Variants in DOK1 observed in about 807,000 individuals in gnomAD.
DOK1 encodes the protein docking protein 1.
DOK1 carries 12 observed loss-of-function variants against 24.0 expected under a neutral mutation model. That is an observed-to-expected ratio of 0.50 (90% CI 0.32 to 0.81). The LOEUF is 0.81. Ranked by LOEUF, DOK1 falls within the 30% of genes least tolerant of loss-of-function variation. The pLI, the probability that DOK1 is intolerant of heterozygous loss-of-function variation, is 0.03. For synonymous variants in DOK1, 250 were observed against 260.9 expected (o/e 0.96, Z 0.40); for missense variants, 591 against 620.7 (o/e 0.95, Z 0.51).
upstream of DOK1, chr2:74,549,730 C>G: frequency 6.9e-7 from 1 of 1,442,738 alleles, no homozygotes; most frequent in East Asian, 2.5e-5. This position sits in a 1 kb window ranked among gnomAD's most constrained non-coding sequence, Gnocchi z 5.3. Flanking sequence ...GCCACGATGG[C>G]CGCAGTCCGC....
In DOK1 at chr2:74,554,935, T is replaced by A. The variant is rs1298250895; in HGVS notation, c.60+121T>A. Reference sequence around the variant, plus strand: ...GCCGGGAGTTGGAGAGCCTGTGACTTTCCCGTGAAGTTGCTTTGCACACTC... The same window carrying A: ...GCCGGGAGTTGGAGAGCCTGTGACTATCCCGTGAAGTTGCTTTGCACACTC... On this transcript the variant is annotated intron_variant, in intron 1 of 4. Coordinates refer to ENST00000233668, the MANE Select transcript of DOK1 (RefSeq NM_001381.5). The surrounding 1 kb of genome is among the most constrained non-coding windows in gnomAD (Gnocchi z 4.9). The A allele has an allele frequency of 1.3e-6, 2 of 1,517,226 alleles. No homozygotes were observed. Among genetic ancestry groups the A allele is most frequent in the East Asian group, 4.9e-5 (2 of 41,070 alleles). 94.0% of individuals were successfully genotyped at this position (1,517,226 alleles called of 1,614,324 possible). A position where few individuals can be genotyped will look rare whatever the true frequency, so the allele number is the denominator to read the frequency against.
At position 74,555,546 on chromosome 2, in the gene DOK1, T is replaced by C. The variant is rs775339296; in HGVS notation, c.361-29T>C. 6.2e-7 allele frequency: 1 copy of C among 1,613,362 alleles called. No individual in the cohort carries two copies. Reference sequence around the variant, plus strand: ...GACCCCCGCTCCCCGCTGAGGAAATTACGGGTTTCTCGATGCTCTCTACTA... The same window carrying C: ...GACCCCCGCTCCCCGCTGAGGAAATCACGGGTTTCTCGATGCTCTCTACTA... On this transcript the variant is annotated intron_variant, in intron 2 of 4. Transcript: ENST00000233668. This position sits in a 1 kb window ranked among gnomAD's most constrained non-coding sequence, Gnocchi z 6.1.
chr2:74,556,533 C>T lies in DOK1; in HGVS notation c.865C>T (p.Leu289Phe). ...LPSPPGPQEL[L>F]DSPPALYAEP... ...TTCCCCACCTGGCCCCCAAGAGCTCCTCGACAGTCCCCCAGCCCTGTATGC... is the reference window on the plus strand; with the variant it reads ...TTCCCCACCTGGCCCCCAAGAGCTCTTCGACAGTCCCCCAGCCCTGTATGC... The change falls in exon 5 of 5, where the codon CTC becomes TTC. Residue 289 changes from leucine to phenylalanine, a missense_variant. Transcript: ENST00000233668. The surrounding 1 kb of genome is among the most constrained non-coding windows in gnomAD (Gnocchi z 4.1). The T allele has an allele frequency of 6.2e-7, 1 of 1,614,186 alleles. No individual in the cohort carries two copies. The highest frequency in any genetic ancestry group is 8.5e-7 in the Non-Finnish European group (1 of 1,180,038).
Position 74,549,591 on chromosome 2 carries a change from C to T in DOK1, c.-358+419C>T, listed in dbSNP as rs1676861492. ...TTGCAGGTGATGCTCTACCTGGGGGCGGGGCCACAAGCAGGGAAAGAATCC... is the reference window on the plus strand; with the variant it reads ...TTGCAGGTGATGCTCTACCTGGGGGTGGGGCCACAAGCAGGGAAAGAATCC... On this transcript the variant is annotated intron_variant, in intron 1 of 4. Coordinates refer to the DOK1 transcript ENST00000409429. The surrounding 1 kb of genome is among the most constrained non-coding windows in gnomAD (Gnocchi z 5.3). 8.1e-6 allele frequency: 13 copies of T among 1,598,192 alleles called. No homozygotes were observed. Among genetic ancestry groups the T allele is most frequent in the Non-Finnish European group, 1.1e-5 (13 of 1,168,972 alleles).
At chr2:74,551,004 C>G (rs900050865), upstream of DOK1, among the ~76,000 whole-genome samples, 3 of 151,504 alleles carry the variant, frequency 2.0e-5, no homozygotes, top group African/African-American at 7.3e-5. Context: ...ATGATCTCAG[C>G]TCACTGCAAC....
chr2:74,550,277 A>G, upstream of DOK1: 1 of 1,614,122 alleles, frequency 6.2e-7, no homozygotes, highest in South Asian at 1.1e-5. Flanking sequence ...CTGTTCCCCC[A>G]GCCCCGGGAG....
upstream of DOK1, chr2:74,552,762 C>T (rs138113824): frequency 1.5e-4 from 133 of 893,264 alleles, no homozygotes; most frequent in African/African-American, 1.8e-3. Flanking sequence ...ACAGAGACAG[C>T]GAGAGACAAC....
rs267599460 is a variant in DOK1 at position 74,555,209 on chromosome 2, G to A, written c.116G>A (p.Arg39Gln). Residue 39 changes from arginine (R) to glutamine (Q), a missense_variant, in exon 2 of 5, where the codon CGG (arginine) becomes CAG (glutamine). Coordinates refer to ENST00000233668, the MANE Select transcript of DOK1 (RefSeq NM_001381.5). The surrounding 1 kb of genome is among the most constrained non-coding windows in gnomAD (Gnocchi z 6.1). ...CCGGCCAGTCCCCACGGCGTAGCGCGGCTCGAGTTCTTTGACCATAAGGGG... is the reference window on the plus strand; with the variant it reads ...CCGGCCAGTCCCCACGGCGTAGCGCAGCTCGAGTTCTTTGACCATAAGGGG... ...LYPASPHGVA[R>Q]LEFFDHKGSS... 6.2e-7 allele frequency: 1 copy of A among 1,613,474 alleles called. No homozygotes were observed. Among genetic ancestry groups the A allele is most frequent in the Non-Finnish European group, 8.5e-7 (1 of 1,180,040 alleles).
At position 74,555,754 on chromosome 2, in the gene DOK1, C is replaced by G. The variant is rs1677405792; in HGVS notation, c.454+86C>G. The G allele has an allele frequency of 1.4e-5, 23 of 1,599,596 alleles. No homozygotes were observed. Among genetic ancestry groups the G allele is most frequent in the Non-Finnish European group, 1.9e-5 (22 of 1,173,490 alleles). On this transcript the variant is annotated intron_variant, in intron 3 of 4. Coordinates refer to ENST00000233668, the MANE Select transcript of DOK1 (RefSeq NM_001381.5). The surrounding 1 kb of genome is among the most constrained non-coding windows in gnomAD (Gnocchi z 6.1). ...GGGAAGTGGGTGGATACCCAGGGGC[C>G]CATGGGGAAGTAAGAAGTAGGAAGG...
At chr2:74,552,840 G>A, upstream of DOK1, 1 of 566,538 alleles carries the variant, frequency 1.8e-6, no homozygotes, top group East Asian at 2.9e-5. Flanking sequence ...CTGAGGCACA[G>A]GTCATAGAGG....
chr2:74,554,659 G>A (rs1677268440), upstream of DOK1: 8 of 1,274,544 alleles, frequency 6.3e-6, no homozygotes, highest in South Asian at 1.4e-5. This position sits in a 1 kb window ranked among gnomAD's most constrained non-coding sequence, Gnocchi z 4.9. Flanking sequence ...GGCGGGGGCC[G>A]GGGAGGGGCG....
chr2:74,552,990 G>T (rs1336817558), upstream of DOK1: 2 of 251,508 alleles, frequency 8.0e-6, no homozygotes, highest in Non-Finnish European at 1.5e-5. Flanking sequence ...TGAGAGGAAG[G>T]GAGACTGTGG....
chr2:74,553,478 C>T (rs1677161875), upstream of DOK1, among the ~76,000 whole-genome samples: 1 of 152,210 alleles, frequency 6.6e-6, no homozygotes, highest in African/African-American at 2.4e-5. Context: ...CACCGGGCAA[C>T]GGGAGGCCAG....
chr2:74,553,267 C>A (rs1485930497), upstream of DOK1, among the ~76,000 whole-genome samples: 1 of 152,108 alleles, frequency 6.6e-6, no homozygotes, highest in Non-Finnish European at 1.5e-5. Context: ...TGAATGGGAG[C>A]CCAGAGTCCT....
chr2:74,554,681 A>T (rs975824816), upstream of DOK1: 1 of 1,497,098 alleles, frequency 6.7e-7, no homozygotes, highest in African/African-American at 1.4e-5. The surrounding 1 kb of genome is among the most constrained non-coding windows in gnomAD (Gnocchi z 4.9). Context: ...AAACTCCTCC[A>T]GGGAACCCGG....
In DOK1 at chr2:74,557,240, C is replaced by A; in HGVS notation, c.*126C>A. 1 of 969,698 alleles carries A rather than the reference C, an allele frequency of 1.0e-6. No individual in the cohort carries two copies. Among genetic ancestry groups the A allele is most frequent in the Non-Finnish European group, 1.5e-6 (1 of 670,254 alleles). The allele number at this position is 969,698 out of a possible 1,614,324, so 60.1% of individuals were successfully genotyped here. A position where few individuals can be genotyped will look rare whatever the true frequency, so the allele number is the denominator to read the frequency against. On this transcript the variant is annotated 3_prime_UTR_variant, in exon 5 of 5. Coordinates refer to ENST00000233668, the MANE Select transcript of DOK1 (RefSeq NM_001381.5). ...GGCCATGCTGTGTGAGACCAGGGGACCAGAGGGATGGGAGAGTCAAGGGAA... is the reference window on the plus strand; with the variant it reads ...GGCCATGCTGTGTGAGACCAGGGGAACAGAGGGATGGGAGAGTCAAGGGAA...
rs1296926430 is a variant in DOK1, at chr2:74,554,745, G to C, written c.-10G>C. The C allele has an allele frequency of 1.9e-6, 3 of 1,611,756 alleles. No individual in the cohort carries two copies. The African/African-American group carries it at 4.0e-5, about 22-fold the overall frequency. On this transcript the variant is annotated 5_prime_UTR_variant, in exon 1 of 5. Coordinates refer to ENST00000233668, the MANE Select transcript of DOK1 (RefSeq NM_001381.5). This position sits in a 1 kb window ranked among gnomAD's most constrained non-coding sequence, Gnocchi z 4.9. ...AGGGCCAGGAAGCGCGGAAGGAACC[G>C]CCGGGGGCCATGGACGGAGCAGTGA... is the stretch of plus-strand genomic sequence containing the variant.
chr2:74,550,901 A>G (rs891213160), upstream of DOK1, among the ~76,000 whole-genome samples: 18 of 148,994 alleles, frequency 1.2e-4, no homozygotes, highest in Non-Finnish European at 1.8e-4. Flanking sequence ...GTGCTGCCAT[A>G]TAGCCCCTTG....
rs1244948907 is a variant in DOK1, at chr2:74,554,859, G to C, written c.60+45G>C. 5 of 1,609,990 alleles carry C rather than the reference G, an allele frequency of 3.1e-6. No homozygotes were observed. In the Admixed American group the frequency reaches 8.4e-5, roughly 27 times the overall value. On this transcript the variant is annotated intron_variant, in intron 1 of 4. Coordinates refer to ENST00000233668, the MANE Select transcript of DOK1 (RefSeq NM_001381.5). This position sits in a 1 kb window ranked among gnomAD's most constrained non-coding sequence, Gnocchi z 4.9. ...CCGAACCTTATCCGGGCTAGTAGTGGGTGAGAGAGCCCAGAAACAGGGAGA... is the reference window on the plus strand; with the variant it reads ...CCGAACCTTATCCGGGCTAGTAGTGCGTGAGAGAGCCCAGAAACAGGGAGA...
Sources: allele counts gnomAD v4.1 joint callset (sites outside exome capture counted in the v4.1 genomes callset), GRCh38; gene constraint gnomAD v4.1.1; non-coding constraint Gnocchi (gnomAD v3.1); transcripts MANE v1.5; gene names NCBI Gene and HGNC (gene_info 2026-07-23, HGNC 2026-07-21).